Variants in TCERG1 observed in about 807,000 individuals in gnomAD.
TCERG1 encodes TATA box binding protein (TBP)-associated factor, RNA polymerase II, S, 150kD.
TCERG1 carries 37 observed loss-of-function variants against 144.7 expected under a neutral mutation model. The observed-to-expected ratio is 0.26, with a 90% CI of 0.20 to 0.34. TCERG1 has a LOEUF of 0.34. Among genes scored for constraint, TCERG1 ranks in the 10% least tolerant of loss-of-function variants. The pLI, the probability that TCERG1 is intolerant of heterozygous loss-of-function variation, is 1.00. For synonymous variants in TCERG1, 492 were observed against 458.2 expected (o/e 1.07, Z -0.94); for missense variants, 1,027 against 1,380.7 (o/e 0.74, Z 4.06).
intron 14 of TCERG1, among the ~76,000 whole-genome samples, chr5:146,483,223 A>G (rs1379434789): frequency 6.6e-6 from 1 of 152,224 alleles, no homozygotes; most frequent in Non-Finnish European, 1.5e-5. Context: ...AGATTGGAGC[A>G]AGCATGAGAA....
intron 9 of TCERG1, among the ~76,000 whole-genome samples, chr5:146,475,134 C>T (rs1247291832): frequency 6.6e-6 from 1 of 152,052 alleles, no homozygotes; most frequent in East Asian, 1.9e-4. Context: ...CTATAGGTTC[C>T]CTTCTGACTT....
rs550892297 is a variant in TCERG1 at position 146,474,972 on chromosome 5, G to A, written c.1601+3396G>A. On this transcript the variant is annotated intron_variant, in intron 9 of 22. Coordinates refer to ENST00000679501, the MANE Select transcript of TCERG1 (RefSeq NM_001382548.1). ...GCTGAACCCACAATATCCGAGGTAC[G>A]CCTGTCTACTTCTTTTTTTCTCTTA... Among the ~76,000 whole-genome samples, 7 of 152,076 alleles carry A rather than the reference G, an allele frequency of 4.6e-5. No homozygotes were observed. In the East Asian group the frequency reaches 5.8e-4, roughly 13 times the overall value.
intron 18 of TCERG1, 108 bp from the exon 19 acceptor site, chr5:146,503,716 C>T (rs898457385): frequency 6.1e-5 from 86 of 1,413,584 alleles, no homozygotes; most frequent in Non-Finnish European, 7.9e-5. Flanking sequence ...TAGGTATATT[C>T]TGGGCAAAAA....
intron 9 of TCERG1, among the ~76,000 whole-genome samples, chr5:146,473,974 G>T (rs1764590417): frequency 6.6e-6 from 1 of 152,146 alleles, no homozygotes; most frequent in Admixed American, 6.5e-5. Flanking sequence ...ATTACTGAAA[G>T]TAATAAGGCT....
At chr5:146,454,512 G>T (rs1294133885) in intron 1 of TCERG1, among the ~76,000 whole-genome samples, 3 of 150,010 alleles carry the variant, frequency 2.0e-5, no homozygotes, top group African/African-American at 7.4e-5. Context: ...CTAAATTTTT[G>T]CCTAGACTCG....
chr5:146,447,926 T>G (rs1762030118), intron 1 of TCERG1, among the ~76,000 whole-genome samples: 1 of 152,268 alleles, frequency 6.6e-6, no homozygotes, highest in Non-Finnish European at 1.5e-5. Flanking sequence ...CTTGCCTTTC[T>G]TAACTTCTGT....
Position 146,507,255 on chromosome 5 carries a change from G to A in TCERG1, c.2961+48G>A. 6.7e-7 allele frequency: 1 copy of A among 1,487,864 alleles called. No homozygotes were observed. The highest frequency in any genetic ancestry group is 1.5e-5 in the South Asian group (1 of 68,876). The allele number at this position is 1,487,864 out of a possible 1,614,324, so 92.2% of individuals were successfully genotyped here. A position where few individuals can be genotyped will look rare whatever the true frequency, so the allele number is the denominator to read the frequency against. On this transcript the variant is annotated intron_variant, in intron 20 of 22. Coordinates refer to ENST00000679501, the MANE Select transcript of TCERG1 (RefSeq NM_001382548.1). The surrounding 1 kb of genome is among the most constrained non-coding windows in gnomAD (Gnocchi z 4.6). ...ATTTTAATCTGGATGAATCTTGTTA[G>A]TAATTTCTTAAAGCAAAGCATTGAT...
At position 146,503,747 on chromosome 5, in the gene TCERG1, T is replaced by G. The variant is rs1021212287; in HGVS notation, c.2599-77T>G. 4.0e-6 allele frequency: 6 copies of G among 1,492,420 alleles called. No individual in the cohort carries two copies. In the African/African-American group the frequency reaches 8.4e-5, roughly 21 times the overall value. 92.4% of individuals were successfully genotyped at this position (1,492,420 alleles called of 1,614,324 possible). On this transcript the variant is annotated intron_variant, in intron 18 of 22. Transcript: ENST00000679501. ...AAAAACTAGATTTGGAATTTTTTAT[T>G]TGGCAAGCTAGTTATTCTGTAAAAA...
Position 146,447,403 on chromosome 5 carries a change from G to T in TCERG1, c.54G>T (p.Glu18Asp). 2.5e-6 allele frequency: 4 copies of T among 1,611,678 alleles called. No individual in the cohort carries two copies. The highest frequency in any genetic ancestry group is 3.4e-6 in the Non-Finnish European group (4 of 1,179,086). The change falls in exon 1 of 23, where the codon GAG becomes GAT. Residue 18 changes from glutamate to aspartate, a missense_variant. Coordinates refer to ENST00000679501, the MANE Select transcript of TCERG1 (RefSeq NM_001382548.1). ...GGESERFNPG[E>D]LRMAQQQALR... Reference sequence around the variant, plus strand: ...AGAGTGAACGATTCAACCCGGGGGAGCTCAGGTAAGGAACGCTGCCCTCCT... The same window carrying T: ...AGAGTGAACGATTCAACCCGGGGGATCTCAGGTAAGGAACGCTGCCCTCCT...
In TCERG1 at chr5:146,479,906, G is replaced by T. The variant is rs201178879; in HGVS notation, c.1814G>T (p.Ser605Ile). ...LSIQKWQFSM[S>I]AIKEEQELME... ...ATCCAAAAGTGGCAATTCTCTATGA[G>T]TGCAAGTGAGTGAACTAACCATAAA... The change falls in exon 11 of 23, where the codon AGT (serine) becomes ATT (isoleucine). Residue 605 changes from serine (S) to isoleucine (I), a missense_variant. Transcript: ENST00000679501. 3 of 1,613,242 alleles carry T rather than the reference G, an allele frequency of 1.9e-6. No homozygotes were observed. The highest frequency in any genetic ancestry group is 2.5e-6 in the Non-Finnish European group (3 of 1,179,470).
intron 14 of TCERG1, among the ~76,000 whole-genome samples, chr5:146,482,999 C>T (rs1765498022): frequency 6.6e-6 from 1 of 152,060 alleles, no homozygotes; most frequent in Non-Finnish European, 1.5e-5. Flanking sequence ...CGAGTATTAA[C>T]ATTACAGAAT....
chr5:146,463,839 TGTCA>T (rs752441809), intron 5 of TCERG1, 46 bp downstream of exon 5: 1 of 1,610,534 alleles, frequency 6.2e-7, no homozygotes, highest in Non-Finnish European at 8.5e-7. Flanking sequence ...GTTTTCATAT[TGTCA>T]GTTAGTTTGT....
In TCERG1 at chr5:146,506,096, G is replaced by A. The variant is rs551456423; in HGVS notation, c.2782-932G>A. ...TTTTTATCCTTTTTTTTCCTTCTAA[G>A]TGAGCTCTTTGAAGGAAGGGATAAC... On this transcript the variant is annotated intron_variant, in intron 19 of 22. Coordinates refer to ENST00000679501, the MANE Select transcript of TCERG1 (RefSeq NM_001382548.1). Among the ~76,000 whole-genome samples, 6 of 152,162 alleles carry A rather than the reference G, an allele frequency of 3.9e-5. No individual in the cohort carries two copies. In the South Asian group the frequency reaches 1.2e-3, roughly 32 times the overall value.
intron 16 of TCERG1, among the ~76,000 whole-genome samples, chr5:146,493,651 A>T (rs1394400241): frequency 6.6e-6 from 1 of 152,112 alleles, no homozygotes; most frequent in Admixed American, 6.5e-5. Context: ...ATGCATACAG[A>T]TATTCAGTCT....
chr5:146,501,913 T>TTTTG (rs1767495000), intron 17 of TCERG1, among the ~76,000 whole-genome samples: 1 of 77,904 alleles, frequency 1.3e-5, no homozygotes, highest in African/African-American at 4.3e-5. Flanking sequence ...TTTTTTTTTT[T>TTTTG]GAGATGGAGT....
rs772959526 is a variant in TCERG1, at chr5:146,478,464, A to G, written c.1602-29A>G. The stretch of plus-strand genomic sequence containing the variant: ...GCTGTAAAATATGTTCTGTAACATA[A>G]GAGAATGATATTTTGCATCAATTCT... On this transcript the variant is annotated intron_variant, in intron 9 of 22. Transcript: ENST00000679501. 13 of 1,550,568 alleles carry G rather than the reference A, an allele frequency of 8.4e-6. No individual in the cohort carries two copies. In the African/African-American group the frequency reaches 1.4e-4, roughly 16 times the overall value.
intron 2 of TCERG1, among the ~76,000 whole-genome samples, chr5:146,456,959 C>T (rs1762881174): frequency 6.6e-6 from 1 of 152,194 alleles, no homozygotes; most frequent in Admixed American, 6.5e-5. Context: ...AATTCACTGA[C>T]AGTGTTATAA....
chr5:146,471,420 T>C, intron 8 of TCERG1, 68 bp from the exon 9 acceptor site: 1 of 1,431,626 alleles, frequency 7.0e-7, no homozygotes, highest in African/African-American at 1.4e-5. Flanking sequence ...CTGTTTGCCT[T>C]CATGTTTTTG....
chr5:146,490,790 A>T lies in TCERG1; in HGVS notation c.2164-2130A>T, dbSNP rs751571363. On this transcript the variant is annotated intron_variant, in intron 15 of 22. Transcript: ENST00000679501. ...ACAGAATTTGAATTTGCCTTCATGG[A>T]TTGGTTCTTCAACTTTTTCTCTTTC... Among the ~76,000 whole-genome samples, 20 of 152,106 alleles carry T rather than the reference A, an allele frequency of 1.3e-4. No homozygotes were observed. The South Asian group carries it at 3.9e-3, about 30-fold the overall frequency.
Sources: allele counts gnomAD v4.1 joint callset (sites outside exome capture counted in the v4.1 genomes callset), GRCh38; gene constraint gnomAD v4.1.1; non-coding constraint Gnocchi (gnomAD v3.1); transcripts MANE v1.5; gene names NCBI Gene and HGNC (gene_info 2026-07-23, HGNC 2026-07-21).